CDH13: variants seen among roughly 807,000 people sequenced by gnomAD.
CDH13 encodes cadherin 13, also known as cadherin-13.
A neutral mutation model predicts 63.8 loss-of-function variants in CDH13; 24 were observed. The observed-to-expected ratio is 0.38, with a 90% CI of 0.27 to 0.53. The LOEUF (loss-of-function observed/expected upper bound fraction) is 0.53. Ranked by LOEUF, CDH13 falls within the 20% of genes least tolerant of loss-of-function variation. CDH13 has a pLI of 0.85. For synonymous variants in CDH13, 503 were observed against 355.3 expected (o/e 1.42, Z -4.67); for missense variants, 1,049 against 903.1 (o/e 1.16, Z -2.07).
intron 2 of CDH13, among the ~76,000 whole-genome samples, chr16:82,999,135 A>T (rs763816599): frequency 5.3e-5 from 8 of 152,044 alleles, no homozygotes; most frequent in Non-Finnish European, 7.4e-5. Context: ...ATTATGTTAC[A>T]TTCTTTGGAC....
intron 3 of CDH13, among the ~76,000 whole-genome samples, chr16:83,068,561 G>A (rs914957630): frequency 2.0e-5 from 3 of 152,044 alleles, no homozygotes; most frequent in Non-Finnish European, 2.9e-5. Context: ...AAACACTATG[G>A]CCTGACCCTC....
At chr16:83,136,808 G>T (rs1220169090) in intron 4 of CDH13, among the ~76,000 whole-genome samples, 1 of 152,184 alleles carries the variant, frequency 6.6e-6, no homozygotes, top group African/African-American at 2.4e-5. Context: ...AGATTCGTAG[G>T]AGTGGTCTGA....
At chr16:83,513,284 G>C (rs185547719) in intron 7 of CDH13, among the ~76,000 whole-genome samples, 1 of 152,254 alleles carries the variant, frequency 6.6e-6, no homozygotes, top group African/African-American at 2.4e-5. Context: ...CCTGACCACA[G>C]AGTGATGAAC....
At chr16:83,122,264 G>A (rs576089806) in intron 3 of CDH13, among the ~76,000 whole-genome samples, 3 of 152,326 alleles carry the variant, frequency 2.0e-5, no homozygotes, top group African/African-American at 7.2e-5. Context: ...TTACCTGTAA[G>A]ATGAAGAGCT....
At chr16:83,262,678 G>T (rs1322436752) in intron 5 of CDH13, among the ~76,000 whole-genome samples, 1 of 152,116 alleles carries the variant, frequency 6.6e-6, no homozygotes, top group African/African-American at 2.4e-5. Context: ...ATGAAAAAAT[G>T]GTATAACTTT....
chr16:82,807,515 C>G (rs2037206519), intron 1 of CDH13, among the ~76,000 whole-genome samples: 1 of 152,058 alleles, frequency 6.6e-6, no homozygotes, highest in African/African-American at 2.4e-5. Flanking sequence ...TGGGAGAGAA[C>G]TTTACAAAAG....
intron 2 of CDH13, among the ~76,000 whole-genome samples, chr16:82,984,159 G>A (rs919210002): frequency 6.6e-6 from 1 of 152,186 alleles, no homozygotes; most frequent in Non-Finnish European, 1.5e-5. Flanking sequence ...CAAGGGAAGG[G>A]CTTGAAAGGA....
intron 10 of CDH13, among the ~76,000 whole-genome samples, chr16:83,683,312 G>A (rs993657651): frequency 2.0e-5 from 3 of 152,206 alleles, no homozygotes; most frequent in Admixed American, 1.3e-4. Flanking sequence ...ATAAAGTTAA[G>A]ATAGTTTCTG....
rs551640653 is a variant in CDH13 at position 83,789,452 on chromosome 16, T to G, written c.2135-5571T>G. Among the ~76,000 whole-genome samples, 14 of 151,992 alleles carry G rather than the reference T, an allele frequency of 9.2e-5. No individual in the cohort carries two copies. The East Asian group carries it at 2.1e-3, about 23-fold the overall frequency. ...ACTTCTGCCTCCCAGGTTCAAGTGA[T>G]TCTCCTGCCTCAGCCTCTGAAGTAG... On this transcript the variant is annotated intron_variant, in intron 13 of 13. Transcript: ENST00000567109.
intron 2 of CDH13, chr16:82,954,879 A>G (rs891263927): frequency 1.3e-5 from 2 of 152,144 alleles, no homozygotes; most frequent in African/African-American, 2.4e-5. Flanking sequence ...TAGAAACTGA[A>G]TATAATATCT....
At chr16:83,101,249 A>G (rs983310802) in intron 3 of CDH13, among the ~76,000 whole-genome samples, 7 of 150,590 alleles carry the variant, frequency 4.6e-5, no homozygotes, top group Non-Finnish European at 7.4e-5. Flanking sequence ...TACTATAAGT[A>G]TATATACTTA....
chr16:83,499,315 C>A (rs1056407078), intron 7 of CDH13, among the ~76,000 whole-genome samples: 1 of 152,190 alleles, frequency 6.6e-6, no homozygotes, highest in Non-Finnish European at 1.5e-5. Flanking sequence ...GCATCTTGGT[C>A]CAAGGTACAA....
Position 83,191,560 on chromosome 16 carries a change from C to CAT in CDH13, c.484-25784_484-25783insTA, listed in dbSNP as rs2038715851. Among the ~76,000 whole-genome samples the CAT allele has an allele frequency of 2.9e-5, 4 of 137,314 alleles. No individual in the cohort carries two copies. The South Asian group carries it at 7.0e-4, about 24-fold the overall frequency. The allele number at this position is 137,314 out of a possible 152,430, so 90.1% of individuals were successfully genotyped here. ...ATATATATATATATATATATATACA[C>CAT]ACACACATATATATGAAGGGGAGTT... On this transcript the variant is annotated intron_variant, in intron 4 of 13. Transcript: ENST00000567109.
intron 2 of CDH13, among the ~76,000 whole-genome samples, chr16:83,031,689 C>G (rs1342180177): frequency 6.6e-6 from 1 of 152,088 alleles, no homozygotes; most frequent in Non-Finnish European, 1.5e-5. Flanking sequence ...CCCACACATG[C>G]CAGGATTAGA....
At chr16:83,394,248 T>TAA (rs869050861) in intron 6 of CDH13, among the ~76,000 whole-genome samples, 28 of 150,356 alleles carry the variant, frequency 1.9e-4, no homozygotes, top group African/African-American at 6.6e-4. Context: ...CTAAAAGTTT[T>TAA]AAAAAAAAAA....
Position 82,686,969 on chromosome 16 carries a change from A to G in CDH13, c.45+59832A>G, listed in dbSNP as rs79362337. On this transcript the variant is annotated intron_variant, in intron 1 of 13. Transcript: ENST00000567109. ...CTAGAAATGAGAGCTCAACATTTGT[A>G]AGCTCTTGCTTCGTTCAATAAAGAT... is the stretch of plus-strand genomic sequence containing the variant. Among the ~76,000 whole-genome samples, 1,093 of 152,306 alleles carry G rather than the reference A, an allele frequency of 7.2e-3. 11 individuals carry two copies. The highest frequency in any genetic ancestry group is 0.025 in the African/African-American group (1,045 of 41,552).
intron 1 of CDH13, among the ~76,000 whole-genome samples, chr16:82,841,684 C>A (rs185164205): frequency 9.7e-4 from 148 of 152,020 alleles, no homozygotes; most frequent in African/African-American, 3.4e-3. Context: ...TCCCTTATTA[C>A]AAAATTTCAC....
At chr16:83,606,177 G>T (rs1908311052) in intron 8 of CDH13, among the ~76,000 whole-genome samples, 1 of 152,202 alleles carries the variant, frequency 6.6e-6, no homozygotes, top group South Asian at 2.1e-4. Context: ...TGGAGTTGAG[G>T]ATGTCCAGAA....
At chr16:83,197,872 A>C (rs2038920446) in intron 4 of CDH13, among the ~76,000 whole-genome samples, 1 of 152,054 alleles carries the variant, frequency 6.6e-6, no homozygotes, top group Non-Finnish European at 1.5e-5. Context: ...AATCTGAATA[A>C]GATCTGTGGA....
Sources: gnomAD v4.1 joint callset for allele counts (sites outside exome capture counted in the v4.1 genomes callset) on GRCh38, gnomAD v4.1.1 for gene constraint, MANE v1.5 for transcripts, NCBI Gene and HGNC (gene_info 2026-07-23, HGNC 2026-07-21) for gene names.